STAU2: variants seen among roughly 807,000 people sequenced by gnomAD.
The protein encoded by STAU2 is staufen double-stranded RNA binding protein 2, also known as double-stranded RNA-binding protein Staufen homolog 2.
In STAU2, 20 loss-of-function variants were observed where a neutral mutation model predicts 65.9. The observed-to-expected ratio is 0.30, with a 90% CI of 0.21 to 0.44. The LOEUF (loss-of-function observed/expected upper bound fraction) is 0.44, where lower values mean the gene tolerates loss of function less well. STAU2 is among the 20% of genes least tolerant of loss of function. The probability of loss-of-function intolerance (pLI) is 1.00; values close to 1 mark genes in which losing one functional copy is unlikely to be tolerated. For synonymous variants in STAU2, 232 were observed against 233.9 expected, an observed-to-expected ratio of 0.99 and a Z score of 0.07; for missense variants, 558 against 683.9, an observed-to-expected ratio of 0.82 and a Z score of 2.05.
At chr8:73,636,784 A>G (rs6990798) in intron 6 of STAU2, among the ~76,000 whole-genome samples, 29,185 of 150,388 alleles carry the variant, frequency 0.19, 3,060 homozygotes, top group East Asian at 0.37. Context: ...AATCGCTTGA[A>G]CCTGGGAGGC....
intron 13 of STAU2, among the ~76,000 whole-genome samples, chr8:73,462,197 A>T (rs182950471): frequency 2.0e-3 from 302 of 152,058 alleles, no homozygotes; most frequent in African/African-American, 6.9e-3. Context: ...CTCCTGCCTC[A>T]GCTTCCTGAG....
intron 13 of STAU2, among the ~76,000 whole-genome samples, chr8:73,463,437 T>G (rs1585808278): frequency 6.6e-6 from 1 of 152,204 alleles, no homozygotes. Context: ...AATTTCTGAG[T>G]ACTTGTTCAT....
chr8:73,736,080 C>A (rs1009850599), intron 3 of STAU2, among the ~76,000 whole-genome samples: 3 of 152,138 alleles, frequency 2.0e-5, no homozygotes, highest in Non-Finnish European at 4.4e-5. Flanking sequence ...ACTACGATTT[C>A]TTTAAATTAT....
At chr8:73,645,742 G>A (rs1448427314) in intron 6 of STAU2, among the ~76,000 whole-genome samples, 1 of 152,188 alleles carries the variant, frequency 6.6e-6, no homozygotes, top group East Asian at 1.9e-4. Context: ...GAGGCCTCAG[G>A]AAATGTACAA....
chr8:73,452,510 C>T (rs1434514418), intron 13 of STAU2, among the ~76,000 whole-genome samples: 1 of 152,166 alleles, frequency 6.6e-6, no homozygotes, highest in East Asian at 1.9e-4. Flanking sequence ...CCCCCTGTAA[C>T]AATATCTTTA....
intron 13 of STAU2, among the ~76,000 whole-genome samples, chr8:73,515,807 G>A (rs1230467082): frequency 8.9e-6 from 1 of 112,646 alleles, no homozygotes; most frequent in Admixed American, 1.2e-4. Context: ...TTTGAGACAC[G>A]GTCTCACTCT....
chr8:73,483,378 A>C (rs1383995420), intron 13 of STAU2, among the ~76,000 whole-genome samples: 1 of 152,112 alleles, frequency 6.6e-6, no homozygotes, highest in African/African-American at 2.4e-5. Flanking sequence ...ACTTCCCTTA[A>C]AATATGTGAT....
chr8:73,482,418 A>G (rs1418710383), intron 13 of STAU2, among the ~76,000 whole-genome samples: 1 of 152,132 alleles, frequency 6.6e-6, no homozygotes, highest in African/African-American at 2.4e-5. Context: ...GTTTATTTTC[A>G]GGTATCTCTA....
intron 6 of STAU2, among the ~76,000 whole-genome samples, chr8:73,633,940 G>A (rs143851208): frequency 2.0e-5 from 3 of 151,952 alleles, no homozygotes; most frequent in African/African-American, 7.2e-5. Flanking sequence ...ATCATGCCAC[G>A]GAACTCCAGC....
At chr8:73,735,981 A>G (rs1482938805) in intron 3 of STAU2, among the ~76,000 whole-genome samples, 2 of 152,238 alleles carry the variant, frequency 1.3e-5, no homozygotes, top group African/African-American at 2.4e-5. Context: ...CTTCACAGCT[A>G]TAACAGTTTG....
Position 73,420,665 on chromosome 8 carries a change from AGAG to A in STAU2, c.*704_*706del. ...GGGCAAGACGCCCCCTTACTTGCTA[AGAG>A]TATATGGAGCTCAAAACCCACAATT... On this transcript the variant is annotated 3_prime_UTR_variant, in exon 15 of 15. Coordinates refer to ENST00000524300, the MANE Select transcript of STAU2 (RefSeq NM_001164380.2). 1 of 164,402 alleles carries A rather than the reference AGAG, an allele frequency of 6.1e-6. No individual in the cohort carries two copies. The highest frequency in any genetic ancestry group is 5.8e-5 in the Admixed American group (1 of 17,346). 10.2% of individuals were successfully genotyped at this position (164,402 alleles called of 1,614,324 possible). A position where few individuals can be genotyped will look rare whatever the true frequency, so the allele number is the denominator to read the frequency against.
intron 13 of STAU2, among the ~76,000 whole-genome samples, chr8:73,478,927 G>A (rs796959370): frequency 1.1e-4 from 16 of 152,172 alleles, no homozygotes; most frequent in African/African-American, 3.1e-4. Context: ...AAATATCTAC[G>A]ACTTTGGGTA....
intron 1 of STAU2, among the ~76,000 whole-genome samples, chr8:73,741,547 C>G (rs547407482): frequency 4.0e-5 from 6 of 151,170 alleles, no homozygotes; most frequent in Non-Finnish European, 8.8e-5. Flanking sequence ...GAGTCTTGCC[C>G]TGTCACCCAG....
At chr8:73,489,501 C>T (rs1821064186) in intron 13 of STAU2, among the ~76,000 whole-genome samples, 2 of 151,928 alleles carry the variant, frequency 1.3e-5, no homozygotes, top group South Asian at 4.1e-4. Context: ...ATGAATGAGA[C>T]AGGGTGCAAA....
chr8:73,424,434 C>A (rs1003497158), intron 13 of STAU2, among the ~76,000 whole-genome samples: 1 of 152,016 alleles, frequency 6.6e-6, no homozygotes. Context: ...CTCCTGACCT[C>A]GGGTGATCCA....
At chr8:73,667,398 G>A (rs1490088392) in intron 6 of STAU2, among the ~76,000 whole-genome samples, 1 of 152,156 alleles carries the variant, frequency 6.6e-6, no homozygotes, top group Non-Finnish European at 1.5e-5. Flanking sequence ...GCCCTGCCTA[G>A]ACTTCACTCT....
intron 13 of STAU2, among the ~76,000 whole-genome samples, chr8:73,544,307 T>C (rs904176678): frequency 6.6e-6 from 1 of 152,204 alleles, no homozygotes; most frequent in Non-Finnish European, 1.5e-5. Flanking sequence ...ACCATTCTAA[T>C]TGGTCTTTCT....
intron 6 of STAU2, among the ~76,000 whole-genome samples, chr8:73,646,796 G>C (rs1450893716): frequency 6.6e-6 from 1 of 151,402 alleles, no homozygotes; most frequent in Non-Finnish European, 1.5e-5. Flanking sequence ...TGAACAGGGA[G>C]AAAAGATTTG....
intron 11 of STAU2, among the ~76,000 whole-genome samples, chr8:73,593,815 C>A (rs1586079990): frequency 6.6e-6 from 1 of 152,126 alleles, no homozygotes; most frequent in African/African-American, 2.4e-5. Flanking sequence ...AGATTTTACA[C>A]TAGCCAAGCC....
Sources: allele counts gnomAD v4.1 joint callset (sites outside exome capture counted in the v4.1 genomes callset), GRCh38; gene constraint gnomAD v4.1.1; transcripts MANE v1.5; gene names NCBI Gene and HGNC (gene_info 2026-07-23, HGNC 2026-07-21).